Variants in RASA3 observed in about 807,000 individuals in gnomAD.
The protein encoded by RASA3 is ras GTPase-activating protein 3.
RASA3 carries 73 observed loss-of-function variants against 110.0 expected under a neutral mutation model. The observed-to-expected ratio is 0.66, with a 90% CI of 0.55 to 0.81. The LOEUF is 0.81. Ranked by LOEUF, RASA3 falls within the 30% of genes least tolerant of loss-of-function variation. The probability of loss-of-function intolerance (pLI) is 0.00; values close to 1 mark genes in which losing one functional copy is unlikely to be tolerated. For synonymous variants in RASA3, 500 were observed against 451.4 expected, an observed-to-expected ratio of 1.11 and a Z score of -1.37; for missense variants, 976 against 1,113.2, an observed-to-expected ratio of 0.88 and a Z score of 1.75.
chr13:114,132,301 C>T, intron 1 of RASA3, 134 bp downstream of exon 1: 4 of 974,184 alleles, frequency 4.1e-6, no homozygotes, highest in Non-Finnish European at 5.5e-6. Context: ...ACCAGCCGTT[C>T]TCCGGGGAGC....
intron 3 of RASA3, among the ~76,000 whole-genome samples, chr13:114,051,117 C>CG (rs149599932): frequency 0.024 from 3,609 of 152,300 alleles, 138 homozygotes; most frequent in African/African-American, 0.081. Flanking sequence ...CCTGCACCCC[C>CG]GGGCCCTCAG....
At chr13:114,017,980 A>G in intron 11 of RASA3, 124 bp downstream of exon 11, 1 of 1,140,408 alleles carries the variant, frequency 8.8e-7, no homozygotes, top group Non-Finnish European at 1.2e-6. Context: ...CTGAATCAAC[A>G]TGGTTTCTGG....
intron 2 of RASA3, among the ~76,000 whole-genome samples, chr13:114,072,741 T>C (rs967972623): frequency 6.5e-4 from 99 of 152,252 alleles, no homozygotes; most frequent in African/African-American, 2.4e-3. Flanking sequence ...CCAGGGAGCA[T>C]CTCCTCCTCA....
At chr13:113,980,614 G>A (rs1346073928) in intron 23 of RASA3, among the ~76,000 whole-genome samples, 1 of 152,262 alleles carries the variant, frequency 6.6e-6, no homozygotes, top group African/African-American at 2.4e-5. Flanking sequence ...TGATATCAAC[G>A]AGGCAACATA....
intron 1 of RASA3, among the ~76,000 whole-genome samples, chr13:114,080,687 AGG>A (rs2079770753): frequency 6.6e-6 from 1 of 151,864 alleles, no homozygotes; most frequent in South Asian, 2.1e-4. Context: ...GGTCTCCCCC[AGG>A]GGCCACTGAA....
chr13:114,131,259 C>T (rs529281439), intron 1 of RASA3, among the ~76,000 whole-genome samples: 1 of 152,292 alleles, frequency 6.6e-6, no homozygotes, highest in East Asian at 1.9e-4. Context: ...TCCCGGAGGC[C>T]TCTTCACACG....
In RASA3 at chr13:114,057,563, C is replaced by T; in HGVS notation, c.174-5408G>A. 1.0e-6 allele frequency: 1 copy of T among 964,342 alleles called. No homozygotes were observed. The highest frequency in any genetic ancestry group is 1.8e-5 in the African/African-American group (1 of 56,818). 59.7% of individuals were successfully genotyped at this position (964,342 alleles called of 1,614,324 possible). ...GGCGATTCCAGGGACAGTGGAGGCC[C>T]CCACAGGAAGGAAACCTCTCCCCAC... On this transcript the variant is annotated intron_variant, in intron 2 of 23. Transcript: ENST00000334062. The surrounding 1 kb of genome is among the most constrained non-coding windows in gnomAD (Gnocchi z 5.0).
intron 22 of RASA3, among the ~76,000 whole-genome samples, chr13:113,988,795 C>T (rs867418023): frequency 2.2e-4 from 32 of 143,852 alleles, no homozygotes; most frequent in Non-Finnish European, 3.0e-4. Flanking sequence ...ATCTGCCCAT[C>T]CACCCATCAC....
In RASA3 at chr13:114,009,405, A is replaced by ATAT; in HGVS notation, c.1647_1649dup (p.Lys549_Tyr550insTer). 1.2e-6 allele frequency: 2 copies of ATAT among 1,612,460 alleles called. No homozygotes were observed. The highest frequency in any genetic ancestry group is 1.7e-6 in the Non-Finnish European group (2 of 1,179,500). On this transcript the variant is annotated stop_gained, in exon 17 of 24. Transcript: ENST00000334062. LOFTEE classifies it high-confidence loss of function. ...TACTTACGTTCTTCACCGCATCAGC[A>ATAT]TATTTCTGCTCATTGAAGAATTCAT...
In RASA3 at chr13:113,978,059, G is replaced by A. The variant is rs1250525034; in HGVS notation, c.*1288C>T. 1.3e-5 allele frequency: 2 copies of A among 152,202 alleles called. No individual in the cohort carries two copies. The highest frequency in any genetic ancestry group is 4.8e-5 in the African/African-American group (2 of 41,450). The allele number at this position is 152,202 out of a possible 1,614,324, so 9.4% of individuals were successfully genotyped here. A position where few individuals can be genotyped will look rare whatever the true frequency, so the allele number is the denominator to read the frequency against. On this transcript the variant is annotated 3_prime_UTR_variant, in exon 24 of 24. Transcript: ENST00000334062. ...TCGGTACAAGGATACGTCGTGCTGT[G>A]TATTTAAACGGCGCTTCCCACACAC...
Position 114,013,079 on chromosome 13 carries a change from C to T in RASA3, c.1512+63G>A, listed in dbSNP as rs890181970. 4.2e-6 allele frequency: 6 copies of T among 1,445,252 alleles called. No homozygotes were observed. The Admixed American group carries it at 8.1e-5, about 20-fold the overall frequency. The allele number at this position is 1,445,252 out of a possible 1,614,324, so 89.5% of individuals were successfully genotyped here. On this transcript the variant is annotated intron_variant, in intron 15 of 23. Transcript: ENST00000334062. ...CGGCCCCCTACAGCCACGCAGATGC[C>T]CCAACCCAGGCCGGCGTCGCAGGAC...
intron 1 of RASA3, among the ~76,000 whole-genome samples, chr13:114,095,410 CA>C (rs1425675208): frequency 6.6e-6 from 1 of 152,164 alleles, no homozygotes; most frequent in East Asian, 1.9e-4. Context: ...CCCCTCCCTA[CA>C]GTCCCTGGCA....
At chr13:114,108,284 C>CTG (rs200048844) in intron 1 of RASA3, among the ~76,000 whole-genome samples, 21 of 33,928 alleles carry the variant, frequency 6.2e-4, no homozygotes, top group African/African-American at 1.9e-3. Flanking sequence ...TCTGTCATCC[C>CTG]CGTCCGTCAC....
chr13:114,121,659 G>A (rs763680162), intron 1 of RASA3, among the ~76,000 whole-genome samples: 41 of 152,152 alleles, frequency 2.7e-4, no homozygotes, highest in African/African-American at 4.1e-4. Context: ...TTTGACCTTC[G>A]GCTTCCCCAG....
chr13:113,999,777 G>A (rs1160624121), intron 19 of RASA3, 110 bp from the exon 20 acceptor site: 4 of 447,944 alleles, frequency 8.9e-6, no homozygotes, highest in Non-Finnish European at 1.5e-5. Context: ...CTTTACCGGG[G>A]GGTCTCTGCC....
At chr13:114,072,124 C>T (rs540655666) in intron 2 of RASA3, among the ~76,000 whole-genome samples, 204 of 152,238 alleles carry the variant, frequency 1.3e-3, no homozygotes, top group African/African-American at 4.6e-3. Flanking sequence ...CCCCCGAGGC[C>T]GCAGCACTGA....
chr13:114,087,242 T>A, intron 1 of RASA3, among the ~76,000 whole-genome samples: 1 of 78,860 alleles, frequency 1.3e-5, no homozygotes, highest in Non-Finnish European at 3.8e-5. Flanking sequence ...AAGTGCTGAG[T>A]CTGGAGTATT....
Position 114,027,410 on chromosome 13 carries a change from G to T in RASA3, c.582C>A (p.Phe194Leu), listed in dbSNP as rs143090287. 6.2e-7 allele frequency: 1 copy of T among 1,612,748 alleles called. No homozygotes were observed. Among genetic ancestry groups the T allele is most frequent in the Non-Finnish European group, 8.5e-7 (1 of 1,178,862 alleles). ...CAACCTCAAAATAAAACACTTCATC[G>T]AACTGGGGATTGTTGGTCTTCCTCT... ...KVKRKTNNPQFDEVFYFEVTR... is the reference protein window; with the variant it reads ...KVKRKTNNPQLDEVFYFEVTR... Residue 194 changes from phenylalanine to leucine, a missense_variant, in exon 7 of 24, where the codon TTC becomes TTA. Coordinates refer to ENST00000334062, the MANE Select transcript of RASA3 (RefSeq NM_007368.4).
intron 16 of RASA3, among the ~76,000 whole-genome samples, chr13:114,010,863 G>A (rs1445342694): frequency 1.4e-5 from 2 of 145,446 alleles, no homozygotes; most frequent in Non-Finnish European, 3.0e-5. Context: ...GGAGGCGCCA[G>A]GTTAGGCCAT....
Sources: gnomAD v4.1 joint callset for allele counts (sites outside exome capture counted in the v4.1 genomes callset) on GRCh38, gnomAD v4.1.1 for gene constraint, Gnocchi (gnomAD v3.1) non-coding constraint, MANE v1.5 for transcripts, NCBI Gene and HGNC (gene_info 2026-07-23, HGNC 2026-07-21) for gene names.